Variants in FMNL2 observed in about 807,000 individuals in gnomAD.
FMNL2 encodes formin-like protein 2.
Under a neutral mutation model 130.2 loss-of-function variants are expected in FMNL2, and 51 were observed. The observed-to-expected ratio is 0.39, with a 90% confidence interval of 0.31 to 0.49. The LOEUF is 0.49. Ranked by LOEUF, FMNL2 falls within the 20% of genes least tolerant of loss-of-function variation. The probability of loss-of-function intolerance (pLI) is 0.85; values close to 1 mark genes in which losing one functional copy is unlikely to be tolerated. For missense variants in FMNL2, 977 were observed against 1,316.2 expected (o/e 0.74, Z 3.99); for synonymous variants, 465 against 467.1 (o/e 1.00, Z 0.06).
intron 1 of FMNL2, among the ~76,000 whole-genome samples, chr2:152,397,074 C>T (rs1305169499): frequency 2.6e-5 from 4 of 152,192 alleles, no homozygotes; most frequent in South Asian, 4.1e-4. Context: ...TTGTAAAATT[C>T]GTTGATGGAA....
chr2:152,348,373 G>A (rs1682251314), intron 1 of FMNL2, among the ~76,000 whole-genome samples: 1 of 152,176 alleles, frequency 6.6e-6, no homozygotes, highest in Non-Finnish European at 1.5e-5. Flanking sequence ...TACGGGGTCT[G>A]ACAGCTTTTA....
chr2:152,560,776 C>G, intron 5 of FMNL2, 107 bp from the exon 6 acceptor site: 1 of 1,001,176 alleles, frequency 1.0e-6, no homozygotes, highest in Non-Finnish European at 1.4e-6. Flanking sequence ...CAAAGACTTT[C>G]CATACTAAGG....
intron 2 of FMNL2, among the ~76,000 whole-genome samples, chr2:152,529,621 G>GT (rs1693582416): frequency 6.6e-6 from 1 of 152,104 alleles, no homozygotes; most frequent in Non-Finnish European, 1.5e-5. Flanking sequence ...CTCTTTGTAT[G>GT]TTGAGCTTTT....
intron 25 of FMNL2, among the ~76,000 whole-genome samples, chr2:152,644,648 G>C (rs768274140): frequency 6.6e-5 from 10 of 152,158 alleles, no homozygotes; most frequent in Admixed American, 2.0e-4. Context: ...TGAATACAAA[G>C]GCTTAGGTCC....
chr2:152,342,650 C>A (rs1681877937), intron 1 of FMNL2, among the ~76,000 whole-genome samples: 1 of 152,174 alleles, frequency 6.6e-6, no homozygotes, highest in South Asian at 2.1e-4. Context: ...TCCCTCCTCC[C>A]CAGTGACCCC....
chr2:152,451,857 G>A (rs1427963125), intron 1 of FMNL2, among the ~76,000 whole-genome samples: 1 of 152,106 alleles, frequency 6.6e-6, no homozygotes, highest in Non-Finnish European at 1.5e-5. Context: ...ATTTTGATAA[G>A]CCTAGGCCTG....
In FMNL2 at chr2:152,370,313, G is replaced by A. The variant is rs1002728936; in HGVS notation, c.117+34593G>A. 7.9e-5 allele frequency among the ~76,000 whole-genome samples: 12 copies of A among 152,210 alleles called. 1 individual carries two copies. Among genetic ancestry groups the A allele is most frequent in the Admixed American group, 4.6e-4 (7 of 15,296 alleles). ...CAGAAAGAGAACTAGGAAGCTCCCC[G>A]GGGTCTCTTTTTATAAGGGCACTAA... is the stretch of plus-strand genomic sequence containing the variant. On this transcript the variant is annotated intron_variant, in intron 1 of 25. Transcript: ENST00000288670.
At chr2:152,364,719 A>G (rs1683412829) in intron 1 of FMNL2, among the ~76,000 whole-genome samples, 1 of 152,210 alleles carries the variant, frequency 6.6e-6, no homozygotes, top group Admixed American at 6.5e-5. Flanking sequence ...TTTCCTCAGT[A>G]AAGTTTTTGT....
intron 2 of FMNL2, among the ~76,000 whole-genome samples, chr2:152,538,332 T>C (rs967433521): frequency 6.6e-6 from 1 of 152,160 alleles, no homozygotes; most frequent in Non-Finnish European, 1.5e-5. Flanking sequence ...CAGACTGGAC[T>C]GCAGTGGCAT....
At chr2:152,643,410 TC>T (rs1467716967) in intron 25 of FMNL2, 1 of 1,536,156 alleles carries the variant, frequency 6.5e-7, no homozygotes, top group South Asian at 1.2e-5. Flanking sequence ...GCTGTCATTT[TC>T]AATGCAGTGC....
At chr2:152,363,898 C>T (rs1482861350) in intron 1 of FMNL2, among the ~76,000 whole-genome samples, 3 of 152,150 alleles carry the variant, frequency 2.0e-5, no homozygotes, top group African/African-American at 7.2e-5. Context: ...TGTCTGGCAC[C>T]TGCTAGACAA....
intron 1 of FMNL2, among the ~76,000 whole-genome samples, chr2:152,479,402 C>T (rs1579766326): frequency 6.6e-6 from 1 of 152,150 alleles, no homozygotes; most frequent in East Asian, 1.9e-4. Flanking sequence ...GCGTTGGCCT[C>T]CTAAAGTTCT....
Position 152,388,025 on chromosome 2 carries a change from A to C in FMNL2, c.117+52305A>C, listed in dbSNP as rs77682630. Among the ~76,000 whole-genome samples, 189 of 152,270 alleles carry C rather than the reference A, an allele frequency of 1.2e-3. 1 individual carries two copies. Among genetic ancestry groups the C allele is most frequent in the African/African-American group, 4.3e-3 (179 of 41,552 alleles). ...CATTGTCCTGCTGATAATTAGGCTA[A>C]TATAATAAGAATTAGGAAGATTCTT... On this transcript the variant is annotated intron_variant, in intron 1 of 25. Coordinates refer to ENST00000288670, the MANE Select transcript of FMNL2 (RefSeq NM_052905.4).
intron 10 of FMNL2, among the ~76,000 whole-genome samples, chr2:152,610,650 A>G (rs1232398612): frequency 3.3e-5 from 5 of 152,234 alleles, no homozygotes; most frequent in Non-Finnish European, 1.5e-5. Context: ...TGGTTTCATA[A>G]TATTCCATTG....
intron 3 of FMNL2, among the ~76,000 whole-genome samples, chr2:152,545,489 G>A (rs1201871707): frequency 6.6e-6 from 1 of 152,148 alleles, no homozygotes; most frequent in Non-Finnish European, 1.5e-5. Flanking sequence ...CTCTCGGGCA[G>A]AAAAGGAAGA....
At chr2:152,348,548 A>G (rs1376238284) in intron 1 of FMNL2, among the ~76,000 whole-genome samples, 1 of 152,220 alleles carries the variant, frequency 6.6e-6, no homozygotes, top group East Asian at 1.9e-4. Flanking sequence ...TTGTGTTGAA[A>G]TGACACTTGG....
intron 17 of FMNL2, 146 bp downstream of exon 17, chr2:152,626,873 T>C: frequency 1.2e-6 from 1 of 830,802 alleles, no homozygotes; most frequent in Non-Finnish European, 1.8e-6. Context: ...ACTTGAGAGA[T>C]CTGAACTCTG....
intron 1 of FMNL2, among the ~76,000 whole-genome samples, chr2:152,515,525 G>T (rs763181863): frequency 5.3e-5 from 8 of 151,986 alleles, no homozygotes; most frequent in Non-Finnish European, 1.2e-4. Flanking sequence ...CACTTTTCGT[G>T]CTAATGACTG....
chr2:152,429,361 G>A (rs555199092), intron 1 of FMNL2, among the ~76,000 whole-genome samples: 294 of 152,250 alleles, frequency 1.9e-3, no homozygotes, highest in Admixed American at 3.6e-3. Flanking sequence ...CTTTTCTAGA[G>A]CCTAGTGAAG....
Sources: allele counts gnomAD v4.1 joint callset (sites outside exome capture counted in the v4.1 genomes callset), GRCh38; gene constraint gnomAD v4.1.1; transcripts MANE v1.5; gene names NCBI Gene and HGNC (gene_info 2026-07-23, HGNC 2026-07-21).